The following ELAPOR2 variants were observed in gnomAD, a reference collection of about 807,000 sequenced individuals.
The protein encoded by ELAPOR2 is endosome/lysosome-associated apoptosis and autophagy regulator family member 2.
In ELAPOR2, 89 loss-of-function variants were observed where a neutral mutation model predicts 120.7. That is an observed-to-expected ratio of 0.74 (90% CI 0.62 to 0.88). The LOEUF (loss-of-function observed/expected upper bound fraction) is 0.88, where lower values mean the gene tolerates loss of function less well. Ranked by LOEUF, ELAPOR2 falls within the 40% of genes least tolerant of loss-of-function variation. The pLI, the probability that ELAPOR2 is intolerant of heterozygous loss-of-function variation, is 0.00. For missense variants in ELAPOR2, 1,134 were observed against 1,251.6 expected (o/e 0.91, Z 1.42); for synonymous variants, 444 against 444.9 (o/e 1.00, Z 0.03).
At chr7:86,984,164 G>T (rs1792620841) in intron 1 of ELAPOR2, among the ~76,000 whole-genome samples, 1 of 152,056 alleles carries the variant, frequency 6.6e-6, no homozygotes, top group Non-Finnish European at 1.5e-5. Flanking sequence ...ACCTAATACA[G>T]GAGCACCTAG....
chr7:86,886,890 A>C (rs1316027204), intron 21 of ELAPOR2, among the ~76,000 whole-genome samples: 1 of 152,122 alleles, frequency 6.6e-6, no homozygotes, highest in African/African-American at 2.4e-5. Context: ...GCTGAAGCCC[A>C]GTGGTATCCA....
intron 2 of ELAPOR2, among the ~76,000 whole-genome samples, chr7:86,958,431 A>C (rs1414768917): frequency 2.6e-5 from 4 of 152,140 alleles, no homozygotes. Context: ...ATTATTGTAT[A>C]ATTATTATTC....
intron 1 of ELAPOR2, among the ~76,000 whole-genome samples, chr7:87,056,536 C>T (rs1031559511): frequency 2.0e-5 from 3 of 152,200 alleles, no homozygotes; most frequent in African/African-American, 7.2e-5. Context: ...CCTGTTTGTG[C>T]GTGTGCTTCC....
At chr7:86,975,077 G>C (rs1422460820) in intron 1 of ELAPOR2, among the ~76,000 whole-genome samples, 8 of 152,188 alleles carry the variant, frequency 5.3e-5, no homozygotes, top group Non-Finnish European at 1.2e-4. Context: ...AGTCAAACGA[G>C]AGAAAAGAGA....
chr7:87,000,826 C>T (rs1793292939), intron 1 of ELAPOR2, among the ~76,000 whole-genome samples: 1 of 152,148 alleles, frequency 6.6e-6, no homozygotes, highest in African/African-American at 2.4e-5. Flanking sequence ...TGACCTGGAA[C>T]AGTTGCACAT....
At chr7:86,978,574 T>C (rs955630070) in intron 1 of ELAPOR2, among the ~76,000 whole-genome samples, 8 of 152,142 alleles carry the variant, frequency 5.3e-5, no homozygotes, top group Admixed American at 4.6e-4. Context: ...TTCTCCATGA[T>C]TCACTGCAGA....
intron 18 of ELAPOR2, among the ~76,000 whole-genome samples, chr7:86,899,231 C>T (rs1788599526): frequency 6.6e-6 from 1 of 152,098 alleles, no homozygotes. Context: ...AAATTAATGG[C>T]TGCTATGGTG....
chr7:86,987,241 C>G (rs904062386), intron 1 of ELAPOR2, among the ~76,000 whole-genome samples: 1 of 152,084 alleles, frequency 6.6e-6, no homozygotes, highest in South Asian at 2.1e-4. Context: ...ACCATAAAAA[C>G]CCTAGAAGAA....
chr7:87,055,731 T>C (rs1028220948), intron 1 of ELAPOR2, among the ~76,000 whole-genome samples: 84 of 152,332 alleles, frequency 5.5e-4, no homozygotes, highest in African/African-American at 1.9e-3. Context: ...ATCACTTAAC[T>C]GCAATGTTTG....
At chr7:87,046,183 C>CA (rs1314178769) in intron 1 of ELAPOR2, among the ~76,000 whole-genome samples, 1 of 151,782 alleles carries the variant, frequency 6.6e-6, no homozygotes, top group Non-Finnish European at 1.5e-5. Flanking sequence ...AAACAGAAAT[C>CA]AAAAAAAGTA....
chr7:86,940,358 TAAAC>T (rs1368423354), intron 5 of ELAPOR2, among the ~76,000 whole-genome samples: 2 of 152,042 alleles, frequency 1.3e-5, no homozygotes, highest in African/African-American at 4.8e-5. Context: ...TCTTCAAGTC[TAAAC>T]AAACACAAAA....
chr7:86,961,615 C>T (rs1199685976), intron 2 of ELAPOR2, among the ~76,000 whole-genome samples: 1 of 152,228 alleles, frequency 6.6e-6, no homozygotes, highest in African/African-American at 2.4e-5. Context: ...GATCTAAGAA[C>T]ATCCAGTGAA....
At chr7:86,916,907 T>C (rs1180694369) in intron 12 of ELAPOR2, among the ~76,000 whole-genome samples, 2 of 151,022 alleles carry the variant, frequency 1.3e-5, no homozygotes, top group Non-Finnish European at 2.9e-5. Context: ...AGCTCCCAAG[T>C]AGCTCAAAGT....
intron 1 of ELAPOR2, among the ~76,000 whole-genome samples, chr7:87,018,243 C>T (rs1458319039): frequency 1.3e-5 from 2 of 151,842 alleles, no homozygotes; most frequent in Non-Finnish European, 2.9e-5. Flanking sequence ...ATTTCACCAT[C>T]TTGGCCAGGC....
intron 11 of ELAPOR2, 110 bp from the exon 12 acceptor site, chr7:86,918,654 T>A: frequency 1.5e-6 from 1 of 679,208 alleles, no homozygotes; most frequent in Non-Finnish European, 2.6e-6. Context: ...TCTCTTCCTC[T>A]AATCTACCAC....
At chr7:86,995,146 A>C (rs1184868987) in intron 1 of ELAPOR2, among the ~76,000 whole-genome samples, 1 of 152,164 alleles carries the variant, frequency 6.6e-6, no homozygotes, top group Non-Finnish European at 1.5e-5. Context: ...GTAGCCAGAC[A>C]AAATAATCAC....
At chr7:86,946,896 C>A (rs1383749805) in intron 3 of ELAPOR2, among the ~76,000 whole-genome samples, 1 of 152,170 alleles carries the variant, frequency 6.6e-6, no homozygotes, top group Non-Finnish European at 1.5e-5. Flanking sequence ...AACACACACT[C>A]TCTCAAGGAA....
chr7:87,059,634 C>A lies in ELAPOR2; in HGVS notation c.-121G>T, dbSNP rs1440691256. 7.7e-6 allele frequency: 8 copies of A among 1,042,880 alleles called. No individual in the cohort carries two copies. The African/African-American group carries it at 1.0e-4, about 13-fold the overall frequency. 64.6% of individuals were successfully genotyped at this position (1,042,880 alleles called of 1,614,324 possible). A position where few individuals can be genotyped will look rare whatever the true frequency, so the allele number is the denominator to read the frequency against. On this transcript the variant is annotated 5_prime_UTR_variant, in exon 1 of 22. Transcript: ENST00000450689. ...TCTCGCCGCTCCGTCACCCGCTGCCCGTCCGCCCGCTGACAGCTCTGCTGC... is the reference window on the plus strand; with the variant it reads ...TCTCGCCGCTCCGTCACCCGCTGCCAGTCCGCCCGCTGACAGCTCTGCTGC...
chr7:86,962,802 T>A (rs1486529065), intron 2 of ELAPOR2, among the ~76,000 whole-genome samples: 1 of 152,078 alleles, frequency 6.6e-6, no homozygotes, highest in African/African-American at 2.4e-5. Flanking sequence ...AAATGGTAGT[T>A]ATTATTAGCA....
Sources: allele counts gnomAD v4.1 joint callset (sites outside exome capture counted in the v4.1 genomes callset), GRCh38; gene constraint gnomAD v4.1.1; transcripts MANE v1.5; gene names NCBI Gene and HGNC (gene_info 2026-07-23, HGNC 2026-07-21).